The following ADAM22 variants were observed in gnomAD, a reference collection of about 807,000 sequenced individuals.
The protein encoded by ADAM22 is ADAM metallopeptidase domain 22, also known as disintegrin and metalloproteinase domain-containing protein 22.
In ADAM22, 65 loss-of-function variants were observed where a neutral mutation model predicts 144.6. The ratio of observed to expected loss-of-function variants is 0.45; its 90% CI spans 0.37 to 0.55. ADAM22 has a LOEUF of 0.55. Among genes scored for constraint, ADAM22 ranks in the 20% least tolerant of loss-of-function variants. ADAM22 has a pLI of 0.00. For missense variants in ADAM22, 974 were observed against 1,184.9 expected (o/e 0.82, Z 2.61); for synonymous variants, 391 against 412.6 (o/e 0.95, Z 0.63).
intron 4 of ADAM22, among the ~76,000 whole-genome samples, chr7:88,077,908 C>T (rs958411528): frequency 6.6e-6 from 1 of 152,238 alleles, no homozygotes; most frequent in Non-Finnish European, 1.5e-5. Context: ...GTAGGCTCCA[C>T]CTCTGGGGGC....
intron 4 of ADAM22, among the ~76,000 whole-genome samples, chr7:88,105,924 T>C (rs1196901405): frequency 6.6e-6 from 1 of 152,190 alleles, no homozygotes; most frequent in Non-Finnish European, 1.5e-5. Context: ...AGCATTACTC[T>C]AAACTCTTTA....
At chr7:88,117,140 G>A (rs1229178499) in intron 7 of ADAM22, among the ~76,000 whole-genome samples, 3 of 152,090 alleles carry the variant, frequency 2.0e-5, no homozygotes, top group Non-Finnish European at 2.9e-5. Context: ...GTAAACATAG[G>A]GATGAACTCT....
At chr7:88,033,049 A>C (rs2129469754) in intron 3 of ADAM22, among the ~76,000 whole-genome samples, 1 of 152,258 alleles carries the variant, frequency 6.6e-6, no homozygotes, top group Middle Eastern at 3.4e-3. Context: ...GGACTAATAC[A>C]TTTGGTTAAG....
chr7:88,146,559 T>A (rs1346161787), intron 17 of ADAM22, among the ~76,000 whole-genome samples: 2 of 152,196 alleles, frequency 1.3e-5, no homozygotes, highest in Non-Finnish European at 2.9e-5. Flanking sequence ...GCAGCACCCC[T>A]CCTAGATGGG....
At chr7:88,069,675 G>A (rs1049120705) in intron 3 of ADAM22, among the ~76,000 whole-genome samples, 3 of 152,150 alleles carry the variant, frequency 2.0e-5, no homozygotes, top group Non-Finnish European at 4.4e-5. Flanking sequence ...GCAAGGTTCA[G>A]GTTCTCATCA....
chr7:88,181,685 T>C, intron 28 of ADAM22, 80 bp downstream of exon 28: 1 of 1,264,888 alleles, frequency 7.9e-7, no homozygotes, highest in South Asian at 1.3e-5. Flanking sequence ...AAGACTTTTA[T>C]TTCTTTGAAG....
intron 4 of ADAM22, among the ~76,000 whole-genome samples, chr7:88,083,911 G>A (rs1422483804): frequency 4.6e-5 from 7 of 150,998 alleles, no homozygotes; most frequent in Non-Finnish European, 7.4e-5. Flanking sequence ...GTTTATAGTT[G>A]GGAAAAAAAA....
chr7:87,974,164 C>T (rs1003333815), intron 2 of ADAM22, among the ~76,000 whole-genome samples: 5 of 150,924 alleles, frequency 3.3e-5, no homozygotes, highest in East Asian at 3.9e-4. Flanking sequence ...ATTAGCCAGC[C>T]GTGGTGGCGG....
intron 2 of ADAM22, among the ~76,000 whole-genome samples, chr7:87,975,562 T>C (rs898387357): frequency 6.6e-6 from 1 of 152,224 alleles, no homozygotes; most frequent in Non-Finnish European, 1.5e-5. Context: ...CAATGGATTT[T>C]CTTTTGAATT....
intron 3 of ADAM22, among the ~76,000 whole-genome samples, chr7:87,980,664 C>T (rs1853153776): frequency 6.6e-6 from 1 of 151,952 alleles, no homozygotes; most frequent in African/African-American, 2.4e-5. Flanking sequence ...TCTTAATGTT[C>T]AGTAAATAAA....
chr7:88,000,223 ACTC>A (rs1316134849), intron 3 of ADAM22, among the ~76,000 whole-genome samples: 1 of 151,960 alleles, frequency 6.6e-6, no homozygotes, highest in Admixed American at 6.6e-5. Context: ...TTATGTTTAA[ACTC>A]CTCCTCACTG....
At chr7:88,180,968 C>G (rs989551202) in intron 27 of ADAM22, among the ~76,000 whole-genome samples, 3 of 151,936 alleles carry the variant, frequency 2.0e-5, no homozygotes, top group Non-Finnish European at 4.4e-5. Context: ...TTTTTTGGAC[C>G]ATATTTGTGG....
intron 3 of ADAM22, among the ~76,000 whole-genome samples, chr7:88,054,386 C>A (rs1230128299): frequency 6.6e-6 from 1 of 152,114 alleles, no homozygotes; most frequent in Non-Finnish European, 1.5e-5. Context: ...TCCCATACTT[C>A]TCTCAGTTTT....
chr7:88,121,200 C>T, intron 7 of ADAM22, among the ~76,000 whole-genome samples: 1 of 151,840 alleles, frequency 6.6e-6, no homozygotes, highest in African/African-American at 2.4e-5. Flanking sequence ...CTGGTTTTTC[C>T]AAAAATTTTT....
At chr7:88,018,085 A>G (rs944909832) in intron 3 of ADAM22, among the ~76,000 whole-genome samples, 8 of 152,180 alleles carry the variant, frequency 5.3e-5, no homozygotes, top group Non-Finnish European at 7.3e-5. Flanking sequence ...CTGTTGTTCA[A>G]GGTCAGTATT....
chr7:87,982,702 T>TATATATATATAA (rs59563522), intron 3 of ADAM22, among the ~76,000 whole-genome samples: 2 of 32,282 alleles, frequency 6.2e-5, no homozygotes, highest in African/African-American at 4.7e-4. Flanking sequence ...TATATATAAT[T>TATATATATATAA]TTTTTTTTTG....
chr7:88,085,925 C>G (rs1818329081), intron 4 of ADAM22, among the ~76,000 whole-genome samples: 2 of 152,170 alleles, frequency 1.3e-5, no homozygotes, highest in Non-Finnish European at 2.9e-5. Flanking sequence ...GCCTGTAATT[C>G]CAGCACTTTG....
At chr7:88,040,280 C>T (rs1398304663) in intron 3 of ADAM22, among the ~76,000 whole-genome samples, 7 of 151,840 alleles carry the variant, frequency 4.6e-5, no homozygotes, top group African/African-American at 2.4e-5. Context: ...TACAGGAACC[C>T]GCCACCATAC....
chr7:88,193,776 C>T (rs564913773), intron 31 of ADAM22, among the ~76,000 whole-genome samples: 6 of 152,326 alleles, frequency 3.9e-5, no homozygotes, highest in Middle Eastern at 3.4e-3. Context: ...TTATAAGCCT[C>T]GGCAGCTTTA....
Sources: allele counts gnomAD v4.1 joint callset (sites outside exome capture counted in the v4.1 genomes callset), GRCh38; gene constraint gnomAD v4.1.1; transcripts MANE v1.5; gene names NCBI Gene and HGNC (gene_info 2026-07-23, HGNC 2026-07-21).